Variants in ANKRD11 observed in about 807,000 individuals in gnomAD.
ANKRD11 encodes ankyrin repeat domain 11, also known as ankyrin repeat domain-containing protein 11.
Under a neutral mutation model 195.7 loss-of-function variants are expected in ANKRD11, and 17 were observed. That is an observed-to-expected ratio of 0.09 (90% confidence interval 0.06 to 0.13). The LOEUF (loss-of-function observed/expected upper bound fraction) is 0.13. Among genes scored for constraint, ANKRD11 ranks in the 10% least tolerant of loss-of-function variants. The pLI is 1.00. For missense variants in ANKRD11, 3,735 were observed against 3,566.1 expected (o/e 1.05, Z -1.21); for synonymous variants, 1,953 against 1,528.1 (o/e 1.28, Z -6.49).
chr16:89,432,073 C>A (rs2043002876), intron 1 of ANKRD11, among the ~76,000 whole-genome samples: 1 of 152,084 alleles, frequency 6.6e-6, no homozygotes, highest in Non-Finnish European at 1.5e-5. Context: ...ATCATCATAA[C>A]AACTTAATTA....
intron 2 of ANKRD11, among the ~76,000 whole-genome samples, chr16:89,394,639 AAAAC>A (rs1567744340): frequency 1.3e-5 from 2 of 151,954 alleles, no homozygotes; most frequent in African/African-American, 4.8e-5. Context: ...CAAAAAAAAA[AAAAC>A]AAACAACCTT....
intron 2 of ANKRD11, among the ~76,000 whole-genome samples, chr16:89,362,247 T>G (rs530657839): frequency 3.5e-4 from 53 of 152,374 alleles, no homozygotes; most frequent in African/African-American, 1.2e-3. Context: ...ACGGCACATA[T>G]GCTTTTCGGG....
At chr16:89,286,504 C>T (rs2034657406) in intron 7 of ANKRD11, 2 of 525,472 alleles carry the variant, frequency 3.8e-6, no homozygotes, top group African/African-American at 3.9e-5. Context: ...TAGACGACTT[C>T]CCAGGAATCT....
At chr16:89,393,758 C>G (rs2041305837) in intron 2 of ANKRD11, among the ~76,000 whole-genome samples, 1 of 152,112 alleles carries the variant, frequency 6.6e-6, no homozygotes, top group African/African-American at 2.4e-5. Context: ...GCCTATTGCC[C>G]TTCATTCTGG....
At position 89,279,930 on chromosome 16, in the gene ANKRD11, C is replaced by T. The variant is rs772511220; in HGVS notation, c.6612G>A (p.Glu2204=). 3 of 1,610,066 alleles carry T rather than the reference C, an allele frequency of 1.9e-6. No homozygotes were observed. Among genetic ancestry groups the T allele is most frequent in the South Asian group, 2.2e-5 (2 of 90,994 alleles). ...QASTRLPAEL[E]PEPSGEPKLD... is the part of the protein sequence containing the mutation. ...GCTTTGGCTCCCCTGAGGGCTCAGGCTCGAGCTCTGCAGGGAGCCGGGTGG... is the reference window on the plus strand; with the variant it reads ...GCTTTGGCTCCCCTGAGGGCTCAGGTTCGAGCTCTGCAGGGAGCCGGGTGG... Residue 2204 remains glutamate (E), a synonymous_variant, in exon 9 of 13, where the codon GAG becomes GAA. Transcript: ENST00000301030. This position sits in a 1 kb window ranked among gnomAD's most constrained non-coding sequence, Gnocchi z 5.6.
intron 1 of ANKRD11, among the ~76,000 whole-genome samples, chr16:89,463,163 C>G (rs1004655429): frequency 2.6e-5 from 4 of 152,220 alleles, no homozygotes; most frequent in African/African-American, 9.6e-5. Flanking sequence ...ACCACCCCGT[C>G]TGGGAGGTGT....
At chr16:89,425,129 T>G (rs1368472911) in intron 1 of ANKRD11, among the ~76,000 whole-genome samples, 1 of 151,548 alleles carries the variant, frequency 6.6e-6, no homozygotes, top group Non-Finnish European at 1.5e-5. Context: ...TATTGACAAT[T>G]TCATATGGTT....
intron 1 of ANKRD11, among the ~76,000 whole-genome samples, chr16:89,456,104 G>A (rs918441096): frequency 1.3e-5 from 2 of 152,094 alleles, no homozygotes; most frequent in Non-Finnish European, 2.9e-5. Context: ...GTCTGGTGTG[G>A]TGGCGTGCAC....
chr16:89,300,512 C>T (rs2035784113), intron 4 of ANKRD11: 5 of 233,478 alleles, frequency 2.1e-5, no homozygotes, highest in South Asian at 1.3e-4. Context: ...CTCGGGTCCA[C>T]TGCAGCTGAG....
At chr16:89,319,110 C>T (rs1038065340) in intron 2 of ANKRD11, among the ~76,000 whole-genome samples, 8 of 152,234 alleles carry the variant, frequency 5.3e-5, no homozygotes, top group Admixed American at 2.6e-4. Context: ...TGTCTGCTCT[C>T]AGGACGGAAA....
chr16:89,274,622 T>C (rs2033481499), intron 11 of ANKRD11, 192 bp downstream of exon 11: 1 of 818,324 alleles, frequency 1.2e-6, no homozygotes, highest in East Asian at 2.7e-5. Flanking sequence ...CTGTCTGCTG[T>C]CTGCTGCAGC....
chr16:89,323,109 C>A (rs1259205203), intron 2 of ANKRD11: 11 of 319,242 alleles, frequency 3.4e-5, no homozygotes, highest in Non-Finnish European at 4.3e-5. Flanking sequence ...CTGAGCCCTG[C>A]CGGCTGTTGT....
rs1168965247 is a variant in ANKRD11, at chr16:89,268,610, C to G, written c.7860G>C (p.Gln2620His). ...GCACCTTCAGCTGCCACTCCATCCT[C>G]TGCACGGCGTTCAGGGCCGCGGCCT... ...QHEAAALNAV[Q>H]RMEWQLKVQE... is the part of the protein sequence containing the mutation. Residue 2620 changes from glutamine (Q) to histidine (H), a missense_variant, in exon 13 of 13, where the codon CAG becomes CAC. By Grantham distance (24) the Gln-to-His change is conservative. Transcript: ENST00000301030. The G allele has an allele frequency of 1.3e-6, 2 of 1,559,938 alleles. No homozygotes were observed. The highest frequency in any genetic ancestry group is 1.7e-6 in the Non-Finnish European group (2 of 1,152,114).
rs2152275351 is a variant in ANKRD11, at chr16:89,433,320, T to C, written c.-144-14952A>G. On this transcript the variant is annotated intron_variant, in intron 1 of 12. Transcript: ENST00000301030. ...CTCTTTCAGTCTGCTAACCTACAAG[T>C]TAATTAGTCCATTTCTAGGAAGAAA... Among the ~76,000 whole-genome samples, 2 of 152,106 alleles carry C rather than the reference T, an allele frequency of 1.3e-5. 1 individual carries two copies. The highest frequency in any genetic ancestry group is 4.2e-4 in the South Asian group (2 of 4,804).
At chr16:89,305,416 T>C (rs2036128416) in intron 3 of ANKRD11, 72 bp from the exon 4 acceptor site, 3 of 1,603,656 alleles carry the variant, frequency 1.9e-6, no homozygotes, top group Non-Finnish European at 1.7e-6. Flanking sequence ...TTTTGTTTCA[T>C]ATGCCAGGAG....
At chr16:89,328,254 A>G (rs1313644182) in intron 2 of ANKRD11, among the ~76,000 whole-genome samples, 1 of 152,228 alleles carries the variant, frequency 6.6e-6, no homozygotes, top group African/African-American at 2.4e-5. Flanking sequence ...GTGGGAACGC[A>G]AAGTGGTGTT....
rs143558125 is a variant in ANKRD11, at chr16:89,456,710, G to A, written c.-145+33535C>T. Among the ~76,000 whole-genome samples, 517 of 152,186 alleles carry A rather than the reference G, an allele frequency of 3.4e-3. 2 individuals are homozygous for A. The highest frequency in any genetic ancestry group is 0.012 in the African/African-American group (495 of 41,512). On this transcript the variant is annotated intron_variant, in intron 1 of 12. Coordinates refer to ENST00000301030, the MANE Select transcript of ANKRD11 (RefSeq NM_013275.6). ...AAAAACACGTTATGTGAAAGAAGCC[G>A]GACACTAAAGGCCATATATTATATG...
Position 89,291,297 on chromosome 16 carries a change from A to T in ANKRD11, c.227-114T>A, listed in dbSNP as rs1797268988. The T allele has an allele frequency of 2.2e-6, 3 of 1,336,490 alleles. No individual in the cohort carries two copies. The highest frequency in any genetic ancestry group is 2.1e-6 in the Non-Finnish European group (2 of 961,124). The allele number at this position is 1,336,490 out of a possible 1,614,324, so 82.8% of individuals were successfully genotyped here. A position where few individuals can be genotyped will look rare whatever the true frequency, so the allele number is the denominator to read the frequency against. ...CCTGCGTCCACCTGACAGCTGACAG[A>T]GCAGAAAGGAAGGTCTGTGTATGGG... On this transcript the variant is annotated intron_variant, in intron 4 of 12. Transcript: ENST00000301030. This position sits in a 1 kb window ranked among gnomAD's most constrained non-coding sequence, Gnocchi z 5.3.
rs552132696 is a variant in ANKRD11 at position 89,385,493 on chromosome 16, G to C, written c.-60+32791C>G. On this transcript the variant is annotated intron_variant, in intron 2 of 12. Transcript: ENST00000301030. ...TCCACAAGCCAGCACCGGGCAGAGG[G>C]AAGGGCGCCAGAGACACCGAGACCC... Among the ~76,000 whole-genome samples, 11 of 152,152 alleles carry C rather than the reference G, an allele frequency of 7.2e-5. No homozygotes were observed. In the East Asian group the frequency reaches 1.9e-3, roughly 27 times the overall value.
Sources: allele counts gnomAD v4.1 joint callset (sites outside exome capture counted in the v4.1 genomes callset), GRCh38; gene constraint gnomAD v4.1.1; non-coding constraint Gnocchi (gnomAD v3.1); transcripts MANE v1.5; gene names NCBI Gene and HGNC (gene_info 2026-07-23, HGNC 2026-07-21).